SEPTIN10: variants seen among roughly 807,000 people sequenced by gnomAD.
SEPTIN10 encodes the protein septin 10.
In SEPTIN10, 66 loss-of-function variants were observed where a neutral mutation model predicts 54.8. The ratio of observed to expected loss-of-function variants is 1.21; its 90% CI spans 0.99 to 1.48. The LOEUF (loss-of-function observed/expected upper bound fraction) is 1.48. Among genes scored for constraint, SEPTIN10 ranks in the 40% most tolerant of loss-of-function variants. The pLI, the probability that SEPTIN10 is intolerant of heterozygous loss-of-function variation, is 0.00. For missense variants in SEPTIN10, 620 were observed against 545.6 expected, an observed-to-expected ratio of 1.14 and a Z score of -1.36; for synonymous variants, 161 against 181.0, an observed-to-expected ratio of 0.89 and a Z score of 0.89.
chr2:109,608,839 G>T (rs1266634887), intron 1 of SEPTIN10, among the ~76,000 whole-genome samples: 1 of 152,174 alleles, frequency 6.6e-6, no homozygotes, highest in Non-Finnish European at 1.5e-5. Flanking sequence ...TCAGAAGAAA[G>T]TGTAAGAATT....
intron 5 of SEPTIN10, among the ~76,000 whole-genome samples, chr2:109,572,959 G>GTAGTT (rs1309959896): frequency 6.6e-6 from 1 of 151,994 alleles, no homozygotes; most frequent in African/African-American, 2.4e-5. Context: ...TTTTTACAGG[G>GTAGTT]TAGTTTACAC....
chr2:109,592,444 GAC>G (rs1573749342), intron 2 of SEPTIN10, among the ~76,000 whole-genome samples: 2 of 151,452 alleles, frequency 1.3e-5, no homozygotes, highest in East Asian at 3.9e-4. Context: ...CAGCCTGGGC[GAC>G]AGAGCAAAGC....
rs1046944748 is a variant in SEPTIN10, at chr2:109,565,785, C to G, written c.837G>C (p.Gln279His). 4 of 1,614,032 alleles carry G rather than the reference C, an allele frequency of 2.5e-6. No individual in the cohort carries two copies. In the East Asian group the frequency reaches 6.7e-5, roughly 27 times the overall value. The change falls in exon 7 of 11, where the codon CAG (glutamine) becomes CAC (histidine). Residue 279 changes from glutamine (Q) to histidine (H), a missense_variant. Physicochemically the swap from Gln to His is conservative, Grantham distance 24. Transcript: ENST00000397712. ...TACCTTGTACAACACCCCAAGGGTA[C>G]TGGCGAGCTTTGACCATCTTGTTTC... ...KVGNKMVKARQYPWGVVQVEN... is the reference protein window; with the variant it reads ...KVGNKMVKARHYPWGVVQVEN...
At chr2:109,603,758 T>C (rs529642530) in intron 1 of SEPTIN10, among the ~76,000 whole-genome samples, 2 of 152,196 alleles carry the variant, frequency 1.3e-5, no homozygotes, top group South Asian at 4.2e-4. Flanking sequence ...AGAGACTTGA[T>C]GAAGAAACAG....
chr2:109,600,779 G>A (rs1463544154), intron 1 of SEPTIN10, among the ~76,000 whole-genome samples: 3 of 152,124 alleles, frequency 2.0e-5, no homozygotes, highest in Non-Finnish European at 4.4e-5. Context: ...TCTGCTCATC[G>A]CCAGCCCCAG....
intron 5 of SEPTIN10, among the ~76,000 whole-genome samples, chr2:109,572,209 C>G (rs1029191741): frequency 6.6e-6 from 1 of 152,088 alleles, no homozygotes; most frequent in African/African-American, 2.4e-5. Flanking sequence ...TGGCTCACTG[C>G]AAGCTCTGCC....
intron 1 of SEPTIN10, among the ~76,000 whole-genome samples, chr2:109,610,958 T>C (rs192767580): frequency 3.6e-4 from 55 of 152,326 alleles, no homozygotes; most frequent in Admixed American, 1.3e-3. Context: ...GTCTACCTTA[T>C]TTCAGACTTA....
At chr2:109,598,081 A>C (rs2106077000) in intron 1 of SEPTIN10, among the ~76,000 whole-genome samples, 1 of 152,020 alleles carries the variant, frequency 6.6e-6, no homozygotes, top group East Asian at 1.9e-4. Context: ...GTTTTTTTTG[A>C]GATGGAGTCT....
At chr2:109,578,129 T>C (rs562699318) in intron 4 of SEPTIN10, among the ~76,000 whole-genome samples, 2 of 151,876 alleles carry the variant, frequency 1.3e-5, no homozygotes, top group African/African-American at 4.8e-5. Context: ...GAAAAATAAA[T>C]ATAGAACTGG....
chr2:109,612,800 G>T (rs1699536909), intron 1 of SEPTIN10, among the ~76,000 whole-genome samples: 1 of 152,136 alleles, frequency 6.6e-6, no homozygotes, highest in African/African-American at 2.4e-5. Context: ...GCGATAGAAT[G>T]AAAAGAGACC....
chr2:109,592,183 G>A (rs1317737335), intron 2 of SEPTIN10, among the ~76,000 whole-genome samples: 3 of 152,000 alleles, frequency 2.0e-5, no homozygotes, highest in African/African-American at 4.8e-5. Context: ...AACAAATAAC[G>A]GCCGGGCGTG....
At chr2:109,573,794 T>A (rs1688942311) in intron 5 of SEPTIN10, among the ~76,000 whole-genome samples, 1 of 152,222 alleles carries the variant, frequency 6.6e-6, no homozygotes, top group Admixed American at 6.5e-5. Context: ...TGAGTTAGTT[T>A]ATGAATTTTT....
intron 4 of SEPTIN10, among the ~76,000 whole-genome samples, chr2:109,577,621 AAGAG>A (rs1288358705): frequency 2.0e-5 from 3 of 151,542 alleles, no homozygotes; most frequent in East Asian, 1.9e-4. Flanking sequence ...AAGAAAAAGA[AAGAG>A]AGAACTCGGT....
chr2:109,597,895 T>C (rs1695652880), intron 1 of SEPTIN10, among the ~76,000 whole-genome samples: 2 of 152,162 alleles, frequency 1.3e-5, no homozygotes. Flanking sequence ...CCTTTTCCTG[T>C]CCACCAATTA....
At chr2:109,611,355 T>C (rs1699214703) in intron 1 of SEPTIN10, among the ~76,000 whole-genome samples, 1 of 152,044 alleles carries the variant, frequency 6.6e-6, no homozygotes, top group African/African-American at 2.4e-5. Context: ...TGAAAACTTT[T>C]GCTTTGCAAA....
At chr2:109,574,884 T>C (rs562741279) in intron 4 of SEPTIN10, 117 bp from the exon 5 acceptor site, 5 of 586,528 alleles carry the variant, frequency 8.5e-6, no homozygotes, top group Non-Finnish European at 1.3e-5. Context: ...TTAATATCTA[T>C]GCTGAACAGA....
At chr2:109,598,406 TTTA>T (rs1345196626) in intron 1 of SEPTIN10, among the ~76,000 whole-genome samples, 3 of 152,154 alleles carry the variant, frequency 2.0e-5, no homozygotes, top group Admixed American at 2.0e-4. Context: ...TTCCAAAATT[TTTA>T]TTATTATAAA....
intron 8 of SEPTIN10, among the ~76,000 whole-genome samples, chr2:109,559,957 G>A (rs911563337): frequency 2.5e-5 from 3 of 122,234 alleles, no homozygotes; most frequent in Admixed American, 1.2e-4. Context: ...GTCTCGCTCT[G>A]TCACCCAGGC....
chr2:109,576,073 A>G (rs1689614010), intron 4 of SEPTIN10, among the ~76,000 whole-genome samples: 1 of 152,052 alleles, frequency 6.6e-6, no homozygotes, highest in African/African-American at 2.4e-5. Context: ...CCTGGACAAC[A>G]ACACAGCGAG....
Sources: gnomAD v4.1 joint callset for allele counts (sites outside exome capture counted in the v4.1 genomes callset) on GRCh38, gnomAD v4.1.1 for gene constraint, MANE v1.5 for transcripts, NCBI Gene and HGNC (gene_info 2026-07-23, HGNC 2026-07-21) for gene names.